Variants in CNBD1 observed in about 807,000 individuals in gnomAD.
CNBD1 encodes the protein cyclic nucleotide-binding domain-containing protein 1.
Under a neutral mutation model 54.4 loss-of-function variants are expected in CNBD1, and 71 were observed. The observed-to-expected ratio is 1.30, with a 90% CI of 1.08 to 1.59. CNBD1 has a LOEUF of 1.59. Among genes scored for constraint, CNBD1 ranks in the 40% most tolerant of loss-of-function variants. The probability of loss-of-function intolerance (pLI) is 0.00; values close to 1 mark genes in which losing one functional copy is unlikely to be tolerated. For synonymous variants in CNBD1, 182 were observed against 170.7 expected (o/e 1.07, Z -0.51); for missense variants, 659 against 518.0 (o/e 1.27, Z -2.64).
intron 6 of CNBD1, among the ~76,000 whole-genome samples, chr8:87,244,065 G>C (rs993045328): frequency 1.1e-4 from 17 of 152,106 alleles, no homozygotes; most frequent in Admixed American, 2.0e-4. Flanking sequence ...GCCTCAGGTG[G>C]TCCTGATGAT....
chr8:87,010,519 G>T (rs1037019131), intron 4 of CNBD1, among the ~76,000 whole-genome samples: 1 of 152,038 alleles, frequency 6.6e-6, no homozygotes, highest in African/African-American at 2.4e-5. Context: ...GATTCCAGGC[G>T]GGTGGATCAC....
intron 4 of CNBD1, among the ~76,000 whole-genome samples, chr8:86,974,037 C>T (rs192157995): frequency 6.6e-6 from 1 of 151,612 alleles, no homozygotes; most frequent in Non-Finnish European, 1.5e-5. Context: ...GGAAAATATA[C>T]CCCAAACGGT....
At position 87,134,524 on chromosome 8, in the gene CNBD1, T is replaced by G. The variant is rs577440751; in HGVS notation, c.432-71469T>G. On this transcript the variant is annotated intron_variant, in intron 4 of 10. Transcript: ENST00000518476. ...AAATTCTAAAAGAATTTCAGAAAAC[T>G]TTTTTAATTGTTCAGAACTTATTGT... 5.5e-4 allele frequency among the ~76,000 whole-genome samples: 83 copies of G among 152,044 alleles called. 1 individual carries two copies. The highest frequency in any genetic ancestry group is 2.0e-3 in the African/African-American group (83 of 41,488).
At chr8:86,983,320 C>T (rs1209775129) in intron 4 of CNBD1, among the ~76,000 whole-genome samples, 1 of 152,168 alleles carries the variant, frequency 6.6e-6, no homozygotes, top group Non-Finnish European at 1.5e-5. Context: ...AACTTTAAGT[C>T]CATTAAACCT....
chr8:87,360,343 T>A (rs1027574699), intron 10 of CNBD1, among the ~76,000 whole-genome samples: 3 of 151,910 alleles, frequency 2.0e-5, no homozygotes, highest in Non-Finnish European at 4.4e-5. Context: ...GGTGGTTAAC[T>A]TTTGGAAGTT....
chr8:87,169,413 G>T (rs932016311), intron 4 of CNBD1, among the ~76,000 whole-genome samples: 2 of 151,998 alleles, frequency 1.3e-5, no homozygotes, highest in Non-Finnish European at 2.9e-5. Flanking sequence ...TTAACTTGAT[G>T]TGATTCCGTT....
Position 87,373,569 on chromosome 8 carries a change from A to G in CNBD1, c.1304-9051A>G, listed in dbSNP as rs142095215. Among the ~76,000 whole-genome samples the G allele has an allele frequency of 3.3e-4, 50 of 151,962 alleles. 1 individual carries two copies. Among genetic ancestry groups the G allele is most frequent in the East Asian group, 1.4e-3 (7 of 5,144 alleles). On this transcript the variant is annotated intron_variant, in intron 10 of 10. Transcript: ENST00000518476. ...TCAGCAAGGACTTTAGATGACTGGT[A>G]TGTAAAGTTGTAGGTTGTATATCTT...
At chr8:86,897,980 G>A (rs774853152) in intron 2 of CNBD1, among the ~76,000 whole-genome samples, 23 of 151,856 alleles carry the variant, frequency 1.5e-4, no homozygotes, top group Non-Finnish European at 3.2e-4. Flanking sequence ...CATCATTAGG[G>A]GAATAGTTAA....
At chr8:87,109,152 TC>T (rs765758667) in intron 4 of CNBD1, among the ~76,000 whole-genome samples, 2 of 152,112 alleles carry the variant, frequency 1.3e-5, no homozygotes, top group African/African-American at 2.4e-5. Flanking sequence ...TTATGACATC[TC>T]ACCACCGGGA....
chr8:87,090,386 C>T (rs1811181706), intron 4 of CNBD1, among the ~76,000 whole-genome samples: 1 of 152,196 alleles, frequency 6.6e-6, no homozygotes, highest in African/African-American at 2.4e-5. Context: ...ACAGTGTTCA[C>T]CAATATCCTA....
intron 8 of CNBD1, among the ~76,000 whole-genome samples, chr8:87,291,282 C>T (rs1585987466): frequency 6.6e-6 from 1 of 152,068 alleles, no homozygotes; most frequent in African/African-American, 2.4e-5. Context: ...GGCTTTTACA[C>T]ATGTTGTTCC....
chr8:86,938,239 C>G (rs149158985), intron 3 of CNBD1, among the ~76,000 whole-genome samples: 1 of 152,228 alleles, frequency 6.6e-6, no homozygotes, highest in African/African-American at 2.4e-5. Context: ...ACTTTTTTGC[C>G]CATATCACTA....
intron 8 of CNBD1, among the ~76,000 whole-genome samples, chr8:87,348,780 T>A (rs1810224141): frequency 6.6e-6 from 1 of 152,228 alleles, no homozygotes; most frequent in Non-Finnish European, 1.5e-5. Context: ...ATTATTCTTC[T>A]TATCGTAACT....
intron 1 of CNBD1, among the ~76,000 whole-genome samples, chr8:86,886,607 A>G (rs1297773957): frequency 1.3e-5 from 2 of 152,214 alleles, no homozygotes; most frequent in African/African-American, 2.4e-5. Context: ...TTTTTATACC[A>G]AGTCAAATTT....
At chr8:87,316,189 A>G (rs1452062997) in intron 8 of CNBD1, among the ~76,000 whole-genome samples, 1 of 152,158 alleles carries the variant, frequency 6.6e-6, no homozygotes, top group Non-Finnish European at 1.5e-5. Flanking sequence ...ATATTGTTGC[A>G]TACATAAAAA....
At chr8:86,876,454 A>T (rs4458895) in intron 1 of CNBD1, among the ~76,000 whole-genome samples, 9 of 151,496 alleles carry the variant, frequency 5.9e-5, no homozygotes, top group East Asian at 1.9e-4. Context: ...TGAGTACTTA[A>T]GCTATTCTTT....
intron 4 of CNBD1, among the ~76,000 whole-genome samples, chr8:86,942,684 A>G (rs977920416): frequency 9.2e-5 from 14 of 152,216 alleles, no homozygotes; most frequent in African/African-American, 2.7e-4. Context: ...TAACCTAATC[A>G]GGGGCCTATA....
At chr8:87,367,956 G>T (rs1216158590) in intron 10 of CNBD1, among the ~76,000 whole-genome samples, 1 of 152,054 alleles carries the variant, frequency 6.6e-6, no homozygotes, top group Non-Finnish European at 1.5e-5. Flanking sequence ...TGGATCACGA[G>T]GTCAGGAGTT....
chr8:87,186,111 A>C (rs1326465185), intron 4 of CNBD1, among the ~76,000 whole-genome samples: 1 of 152,044 alleles, frequency 6.6e-6, no homozygotes, highest in Non-Finnish European at 1.5e-5. Context: ...ATACTTGTTA[A>C]TCCATATTTA....
Sources: allele counts gnomAD v4.1 joint callset (sites outside exome capture counted in the v4.1 genomes callset), GRCh38; gene constraint gnomAD v4.1.1; transcripts MANE v1.5; gene names NCBI Gene and HGNC (gene_info 2026-07-23, HGNC 2026-07-21).